Variants in DCPH1 observed in about 807,000 individuals in gnomAD.
DCPH1 encodes the protein damage-control phosphatase 1.
the DCPH1 span, chr6:151,464,459 A>G: frequency 1.2e-6 from 2 of 1,601,950 alleles, no homozygotes; most frequent in Admixed American, 1.7e-5. Context: ...TTAGTCCACC[A>G]ATCGATTACT....
chr6:151,452,563 G>T, the DCPH1 span: 2 of 1,611,558 alleles, frequency 1.2e-6, no homozygotes, highest in Middle Eastern at 1.6e-4. Context: ...TCGTCCCGGC[G>T]TCTCTCTCAG....
the DCPH1 span, chr6:151,464,597 TGA>T: frequency 6.2e-7 from 1 of 1,608,164 alleles, no homozygotes; most frequent in Middle Eastern, 1.7e-4. Flanking sequence ...AGCTGAAAGA[TGA>T]GTTTTTTAAA....
At chr6:151,456,792 A>G in the DCPH1 span, among the ~76,000 whole-genome samples, 71 of 152,312 alleles carry the variant, frequency 4.7e-4, no homozygotes, top group Non-Finnish European at 1.3e-4. Flanking sequence ...CTGGCATTAC[A>G]GGCGTGAGCC....
At chr6:151,452,869 A>G in the DCPH1 span, 2 of 355,428 alleles carry the variant, frequency 5.6e-6, no homozygotes, top group African/African-American at 2.1e-5. Context: ...ATTCACTTTA[A>G]TAGACGCGCT....
chr6:151,455,218 T>C, the DCPH1 span, among the ~76,000 whole-genome samples: 1 of 152,294 alleles, frequency 6.6e-6, no homozygotes, highest in East Asian at 1.9e-4. Context: ...ATTGAAGGGG[T>C]GGGTTGCCCC....
At chr6:151,466,708 C>A in the DCPH1 span, among the ~76,000 whole-genome samples, 1 of 152,158 alleles carries the variant, frequency 6.6e-6, no homozygotes, top group African/African-American at 2.4e-5. Flanking sequence ...CCTATCAAAA[C>A]TTGTAATCTT....
At chr6:151,469,305 C>A in the DCPH1 span, 1 of 432,454 alleles carries the variant, frequency 2.3e-6, no homozygotes, top group Non-Finnish European at 4.0e-6. Context: ...TTGGGGATAG[C>A]TGGGTTAAGC....
chr6:151,465,048 T>C, the DCPH1 span, among the ~76,000 whole-genome samples: 2 of 152,336 alleles, frequency 1.3e-5, no homozygotes, highest in South Asian at 4.1e-4. Flanking sequence ...ATGTGTACTG[T>C]GTAATTTGAT....
At chr6:151,466,373 T>TATA in the DCPH1 span, among the ~76,000 whole-genome samples, 1 of 152,220 alleles carries the variant, frequency 6.6e-6, no homozygotes, top group Non-Finnish European at 1.5e-5. Context: ...TTGAATGTGT[T>TATA]CTTTGTCCCA....
chr6:151,464,475 G>A, the DCPH1 span: 3 of 1,607,326 alleles, frequency 1.9e-6, no homozygotes, highest in Non-Finnish European at 2.5e-6. Context: ...TTACTTTGAT[G>A]TATTTAAAGA....
At chr6:151,461,642 G>A in the DCPH1 span, among the ~76,000 whole-genome samples, 19,764 of 152,158 alleles carry the variant, frequency 0.13, 1,599 homozygotes, top group East Asian at 0.38. Flanking sequence ...TTGTACTCCA[G>A]CCTGGGCGAC....
At chr6:151,452,642 C>A in the DCPH1 span, 1 of 1,547,698 alleles carries the variant, frequency 6.5e-7, no homozygotes, top group Non-Finnish European at 8.8e-7. Context: ...TCGCCGGGAG[C>A]CTGTGGGGAC....
the DCPH1 span, chr6:151,458,637 G>A: frequency 1.4e-6 from 2 of 1,403,568 alleles, no homozygotes; most frequent in South Asian, 1.4e-5. Flanking sequence ...AATTGTAAAA[G>A]GATAAGTTTA....
the DCPH1 span, among the ~76,000 whole-genome samples, chr6:151,465,106 C>CT: frequency 2.2e-4 from 33 of 152,192 alleles, no homozygotes; most frequent in Non-Finnish European, 4.4e-5. Context: ...AGCACAGAGC[C>CT]TGGGATACAG....
At chr6:151,464,645 T>C in the DCPH1 span, 60 of 1,521,408 alleles carry the variant, frequency 3.9e-5, no homozygotes, top group African/African-American at 7.9e-4. Context: ...ATCTTCTGAG[T>C]ATGTTTTATT....
the DCPH1 span, among the ~76,000 whole-genome samples, chr6:151,462,783 A>G: frequency 5.3e-5 from 8 of 152,246 alleles, no homozygotes; most frequent in Admixed American, 3.9e-4. Context: ...GAGAATTTAT[A>G]TATAGTTATG....
the DCPH1 span, among the ~76,000 whole-genome samples, chr6:151,455,909 G>C: frequency 1.3e-5 from 2 of 152,282 alleles, no homozygotes; most frequent in African/African-American, 4.8e-5. Flanking sequence ...TTGTGCCCCT[G>C]GGTACTTGAG....
the DCPH1 span, chr6:151,454,514 G>T: frequency 2.9e-6 from 3 of 1,017,738 alleles, no homozygotes; most frequent in African/African-American, 1.6e-5. Flanking sequence ...TATTGATGCT[G>T]CTAAGTTATA....
the DCPH1 span, chr6:151,469,876 G>A: frequency 6.6e-6 from 1 of 152,072 alleles, no homozygotes; most frequent in Admixed American, 6.6e-5. Context: ...TTTTTAGTTT[G>A]CAGTTTTAGG....
Sources: gnomAD v4.1 joint callset for allele counts (sites outside exome capture counted in the v4.1 genomes callset) on GRCh38, gnomAD v4.1.1 for gene constraint, MANE v1.5 for transcripts, NCBI Gene and HGNC (gene_info 2026-07-23, HGNC 2026-07-21) for gene names.